Variants in KDM3A observed in about 807,000 individuals in gnomAD.
KDM3A encodes lysine-specific demethylase 3A.
KDM3A carries 60 observed loss-of-function variants against 158.0 expected under a neutral mutation model. That is an observed-to-expected ratio of 0.38 (90% CI 0.31 to 0.47). The LOEUF (loss-of-function observed/expected upper bound fraction) is 0.47. Among genes scored for constraint, KDM3A ranks in the 20% least tolerant of loss-of-function variants. The pLI is 0.99. For synonymous variants in KDM3A, 608 were observed against 549.3 expected (o/e 1.11, Z -1.49); for missense variants, 1,319 against 1,574.3 (o/e 0.84, Z 2.74).
At chr2:86,459,400 G>A (rs1672835471) in intron 8 of KDM3A, among the ~76,000 whole-genome samples, 1 of 152,160 alleles carries the variant, frequency 6.6e-6, no homozygotes, top group South Asian at 2.1e-4. Context: ...GTTAGAAGTA[G>A]TAAATATCAG....
Position 86,477,956 on chromosome 2 carries a change from C to T in KDM3A, c.2019C>T (p.His673=). Residue 673 remains histidine, a synonymous_variant, in exon 13 of 26, where the codon CAC becomes CAT. Coordinates refer to ENST00000312912, the MANE Select transcript of KDM3A (RefSeq NM_018433.6). ...GCGACACCACCATCTTCAACCTGCA[C>T]TGGGTGTGTCCTCGGTGTGGGTTTG... ...DVCDTTIFNL[H]WVCPRCGFGV... is the part of the protein sequence containing the mutation. 1 of 1,614,162 alleles carries T rather than the reference C, an allele frequency of 6.2e-7. No homozygotes were observed. The highest frequency in any genetic ancestry group is 8.5e-7 in the Non-Finnish European group (1 of 1,180,014).
chr2:86,453,653 T>G (rs183181502), intron 4 of KDM3A, among the ~76,000 whole-genome samples: 1 of 152,318 alleles, frequency 6.6e-6, no homozygotes, highest in East Asian at 1.9e-4. Context: ...TATAATTAAA[T>G]TTTTTGAAAT....
At chr2:86,451,301 G>A (rs1459647121) in intron 4 of KDM3A, 88 bp downstream of exon 4, 1 of 800,784 alleles carries the variant, frequency 1.2e-6, no homozygotes, top group Non-Finnish European at 1.9e-6. Flanking sequence ...ACCTTAAATA[G>A]TGTGGGTATT....
intron 11 of KDM3A, among the ~76,000 whole-genome samples, chr2:86,471,033 T>C (rs893452546): frequency 1.3e-5 from 2 of 152,076 alleles, no homozygotes; most frequent in African/African-American, 4.8e-5. Flanking sequence ...GGTCAGAAGG[T>C]GTGTGTGTTT....
At chr2:86,446,176 A>G (rs560558737) in intron 2 of KDM3A, among the ~76,000 whole-genome samples, 1 of 152,358 alleles carries the variant, frequency 6.6e-6, no homozygotes, top group South Asian at 2.1e-4. Context: ...AAGGTGTTTC[A>G]TAGGTACTAA....
intron 25 of KDM3A, chr2:86,491,669 AG>A (rs1674462316): frequency 1.6e-5 from 5 of 307,838 alleles, no homozygotes; most frequent in Non-Finnish European, 2.4e-5. Flanking sequence ...AAGAGGTCTG[AG>A]GGGGTGGTAT....
rs1217844608 is a variant in KDM3A at position 86,466,756 on chromosome 2, T to C, written c.1392T>C (p.Pro464=). ...EVKAGVNSDS[P]NNCSGKKVEP... The stretch of plus-strand genomic sequence containing the variant: ...AAGCAGGTGTCAATAGTGATAGCCC[T>C]AATAACTGTTCAGGAAAAAAGGTAG... Residue 464 remains proline (P), a synonymous_variant, in exon 10 of 26, where the codon CCT becomes CCC. Transcript: ENST00000312912. 1 of 1,613,858 alleles carries C rather than the reference T, an allele frequency of 6.2e-7. No individual in the cohort carries two copies. The highest frequency in any genetic ancestry group is 1.7e-5 in the Admixed American group (1 of 59,962).
chr2:86,469,388 G>A (rs1673300918), intron 10 of KDM3A, among the ~76,000 whole-genome samples: 1 of 152,086 alleles, frequency 6.6e-6, no homozygotes. Flanking sequence ...CTAAGAAAAG[G>A]TCTTTTCTGT....
intron 2 of KDM3A, chr2:86,443,091 A>G (rs888227917): frequency 1.3e-5 from 2 of 152,228 alleles, no homozygotes; most frequent in South Asian, 4.1e-4. Flanking sequence ...TTGTACCAAC[A>G]AAGACTCCTT....
intron 1 of KDM3A, among the ~76,000 whole-genome samples, chr2:86,441,809 G>T (rs531970958): frequency 2.0e-5 from 3 of 150,268 alleles, no homozygotes; most frequent in Admixed American, 1.3e-4. Context: ...AAACTTGGGA[G>T]AGCGAGGGTC....
At chr2:86,460,552 T>TA (rs1302287000) in intron 8 of KDM3A, among the ~76,000 whole-genome samples, 1 of 152,200 alleles carries the variant, frequency 6.6e-6, no homozygotes, top group African/African-American at 2.4e-5. Flanking sequence ...CATTTGGGAC[T>TA]AGTAGGCAAG....
intron 23 of KDM3A, chr2:86,489,973 T>C (rs1674378450): frequency 4.6e-6 from 1 of 219,354 alleles, no homozygotes; most frequent in Non-Finnish European, 9.1e-6. Context: ...TATATCTGTT[T>C]TTATTGCCTT....
intron 4 of KDM3A, among the ~76,000 whole-genome samples, chr2:86,453,012 T>C (rs1672532234): frequency 6.6e-6 from 1 of 152,206 alleles, no homozygotes; most frequent in South Asian, 2.1e-4. Flanking sequence ...GATATTTTGC[T>C]TTACTGAGTA....
chr2:86,464,524 A>G (rs909310585), intron 9 of KDM3A, among the ~76,000 whole-genome samples: 1 of 152,214 alleles, frequency 6.6e-6, no homozygotes, highest in Non-Finnish European at 1.5e-5. Context: ...TTGTACATGG[A>G]AGACTGAGGT....
intron 2 of KDM3A, among the ~76,000 whole-genome samples, chr2:86,444,903 G>A (rs1017840576): frequency 1.4e-4 from 22 of 152,130 alleles, no homozygotes; most frequent in African/African-American, 7.2e-5. Flanking sequence ...AGAAGTTAAG[G>A]TGAAGACATA....
chr2:86,457,164 TA>T (rs1356931256), intron 8 of KDM3A, 93 bp downstream of exon 8: 3 of 450,010 alleles, frequency 6.7e-6, no homozygotes, highest in East Asian at 4.3e-5. Flanking sequence ...TAATTATTTT[TA>T]TTTTTTTAGA....
At position 86,455,159 on chromosome 2, in the gene KDM3A, G is replaced by A. The variant is rs767319225; in HGVS notation, c.528G>A (p.Lys176=). The A allele has an allele frequency of 6.2e-7, 1 of 1,603,322 alleles. No individual in the cohort carries two copies. Among genetic ancestry groups the A allele is most frequent in the South Asian group, 1.1e-5 (1 of 89,954 alleles). Reference sequence around the variant, plus strand: ...AAGAATTTCAAGCTTTGATTGTGAAGCATTTAGATGAAAGCCATCTTTTAA... The same window carrying A: ...AAGAATTTCAAGCTTTGATTGTGAAACATTTAGATGAAAGCCATCTTTTAA... ...VSKEFQALIV[K]HLDESHLLKG... Residue 176 remains lysine, a synonymous_variant, in exon 5 of 26, where the codon AAG becomes AAA. Transcript: ENST00000312912.
chr2:86,441,937 T>A, intron 1 of KDM3A, 81 bp from the exon 2 acceptor site: 2 of 1,149,994 alleles, frequency 1.7e-6, no homozygotes, highest in Non-Finnish European at 2.4e-6. Flanking sequence ...TTCGGCGCCC[T>A]CCGCCCGCCC....
chr2:86,440,484 AG>A (rs1177682817), upstream of KDM3A, among the ~76,000 whole-genome samples: 1 of 152,184 alleles, frequency 6.6e-6, no homozygotes, highest in African/African-American at 2.4e-5. Flanking sequence ...TGTCCTTCAA[AG>A]TCACCTTCTC....
Sources: allele counts gnomAD v4.1 joint callset (sites outside exome capture counted in the v4.1 genomes callset), GRCh38; gene constraint gnomAD v4.1.1; transcripts MANE v1.5; gene names NCBI Gene and HGNC (gene_info 2026-07-23, HGNC 2026-07-21).